GRM8: variants seen among roughly 807,000 people sequenced by gnomAD.
GRM8 encodes glutamate metabotropic receptor 8, also known as metabotropic glutamate receptor 8.
A neutral mutation model predicts 87.2 loss-of-function variants in GRM8; 47 were observed. That is an observed-to-expected ratio of 0.54 (90% CI 0.43 to 0.69). The LOEUF is 0.69. GRM8 is among the 30% of genes least tolerant of loss of function. GRM8 has a pLI of 0.00. For missense variants in GRM8, 1,019 were observed against 1,139.2 expected (o/e 0.89, Z 1.52); for synonymous variants, 396 against 404.5 (o/e 0.98, Z 0.25).
chr7:126,798,065 G>T (rs1370009710), intron 6 of GRM8, among the ~76,000 whole-genome samples: 2 of 152,052 alleles, frequency 1.3e-5, no homozygotes, highest in Admixed American at 6.6e-5. Context: ...TCTGAATTCT[G>T]CACTAAAGAA....
chr7:127,249,300 T>C (rs1245956353), intron 1 of GRM8, among the ~76,000 whole-genome samples: 1 of 152,180 alleles, frequency 6.6e-6, no homozygotes, highest in Non-Finnish European at 1.5e-5. Context: ...TTCATTACCT[T>C]GGCCCTCCCC....
chr7:127,144,910 C>T (rs1045284011), intron 2 of GRM8, among the ~76,000 whole-genome samples: 10 of 152,066 alleles, frequency 6.6e-5, no homozygotes, highest in African/African-American at 2.4e-4. Flanking sequence ...CGGTTATCTA[C>T]ACAGTTCTAG....
intron 7 of GRM8, among the ~76,000 whole-genome samples, chr7:126,629,679 G>C (rs1033192778): frequency 6.6e-6 from 1 of 152,056 alleles, no homozygotes; most frequent in Non-Finnish European, 1.5e-5. Flanking sequence ...AAAGATAGCA[G>C]ATAATTTATT....
At chr7:126,750,863 T>TAATTA (rs1223978358) in intron 7 of GRM8, among the ~76,000 whole-genome samples, 10 of 152,062 alleles carry the variant, frequency 6.6e-5, no homozygotes, top group Non-Finnish European at 1.5e-4. Context: ...TCATTAGAGG[T>TAATTA]GGTATACCTT....
intron 6 of GRM8, among the ~76,000 whole-genome samples, chr7:126,881,383 C>T (rs534563836): frequency 1.1e-4 from 17 of 152,292 alleles, no homozygotes; most frequent in Admixed American, 9.2e-4. Context: ...GACATGATCA[C>T]GGCCAGCGCA....
chr7:126,927,668 T>C (rs754154600), intron 3 of GRM8, among the ~76,000 whole-genome samples: 1 of 152,180 alleles, frequency 6.6e-6, no homozygotes, highest in East Asian at 1.9e-4. Flanking sequence ...CACAATGAGA[T>C]ACCATCTCAT....
At chr7:126,992,549 TG>T (rs2131958982) in intron 3 of GRM8, among the ~76,000 whole-genome samples, 1 of 152,130 alleles carries the variant, frequency 6.6e-6, no homozygotes, top group East Asian at 1.9e-4. Context: ...TAACAACAGG[TG>T]GGCACAGGCA....
At chr7:126,634,845 G>A (rs1283191797) in intron 7 of GRM8, among the ~76,000 whole-genome samples, 1 of 152,128 alleles carries the variant, frequency 6.6e-6, no homozygotes, top group Non-Finnish European at 1.5e-5. Flanking sequence ...TATCTCCAAA[G>A]CAGTGATGTT....
intron 3 of GRM8, among the ~76,000 whole-genome samples, chr7:126,907,823 T>C (rs376605728): frequency 5.3e-5 from 8 of 152,048 alleles, no homozygotes; most frequent in South Asian, 4.1e-4. Flanking sequence ...GGTATTGGAA[T>C]AGGCAGTGGG....
chr7:126,922,836 A>G (rs1244308545), intron 3 of GRM8, among the ~76,000 whole-genome samples: 2 of 151,208 alleles, frequency 1.3e-5, no homozygotes, highest in African/African-American at 2.4e-5. Context: ...AGTATGTAGC[A>G]CCTCCCCCTC....
chr7:126,695,119 G>T (rs1585556839), intron 7 of GRM8, among the ~76,000 whole-genome samples: 1 of 152,138 alleles, frequency 6.6e-6, no homozygotes, highest in Non-Finnish European at 1.5e-5. Context: ...AGATGGGAGG[G>T]ACTGAGATGC....
Position 126,499,714 on chromosome 7 carries a change from G to A in GRM8, c.2430+33238C>T, listed in dbSNP as rs147233684. Among the ~76,000 whole-genome samples the A allele has an allele frequency of 1.9e-3, 296 of 151,970 alleles. 1 individual carries two copies. The highest frequency in any genetic ancestry group is 6.3e-3 in the African/African-American group (262 of 41,508). ...AAATATCATCTGATCTCACTTATGC[G>A]TGGAATTTAAAAACGTCATAGAAGA... On this transcript the variant is annotated intron_variant, in intron 9 of 10. Transcript: ENST00000339582.
intron 2 of GRM8, among the ~76,000 whole-genome samples, chr7:127,132,773 T>C (rs1827756251): frequency 6.6e-6 from 1 of 150,386 alleles, no homozygotes; most frequent in Non-Finnish European, 1.5e-5. Flanking sequence ...AATGAAAGGG[T>C]CTGGGCACTC....
intron 3 of GRM8, among the ~76,000 whole-genome samples, chr7:126,913,074 T>C (rs1803487899): frequency 2.0e-5 from 3 of 152,324 alleles, no homozygotes; most frequent in Admixed American, 1.3e-4. Flanking sequence ...CAAAAATCTC[T>C]ATTAATAATT....
At chr7:126,711,685 T>C (rs1005066934) in intron 7 of GRM8, among the ~76,000 whole-genome samples, 9 of 152,242 alleles carry the variant, frequency 5.9e-5, no homozygotes, top group African/African-American at 2.2e-4. Flanking sequence ...GAAAATCTGT[T>C]ATTTAGCATG....
At chr7:127,203,401 T>TA (rs1795720607) in intron 2 of GRM8, among the ~76,000 whole-genome samples, 1 of 152,022 alleles carries the variant, frequency 6.6e-6, no homozygotes, top group Admixed American at 6.6e-5. Context: ...AGCTTGCACA[T>TA]ACACCCCCTG....
chr7:126,528,342 T>G (rs1426597364), intron 9 of GRM8, among the ~76,000 whole-genome samples: 3 of 152,180 alleles, frequency 2.0e-5, no homozygotes, highest in Non-Finnish European at 4.4e-5. Flanking sequence ...TCCTACGCAA[T>G]TCATTCGAAT....
At chr7:127,091,355 A>C in intron 3 of GRM8, among the ~76,000 whole-genome samples, 2 of 91,836 alleles carry the variant, frequency 2.2e-5, no homozygotes, top group African/African-American at 9.0e-5. Context: ...CATTCCCCTC[A>C]ACCATCCCAC....
intron 6 of GRM8, among the ~76,000 whole-genome samples, chr7:126,879,696 A>T (rs1198056573): frequency 6.6e-6 from 1 of 152,202 alleles, no homozygotes; most frequent in African/African-American, 2.4e-5. Context: ...TAACAGAAGA[A>T]AAAGTTATAC....
Sources: allele counts gnomAD v4.1 joint callset (sites outside exome capture counted in the v4.1 genomes callset), GRCh38; gene constraint gnomAD v4.1.1; transcripts MANE v1.5; gene names NCBI Gene and HGNC (gene_info 2026-07-23, HGNC 2026-07-21).